The following PTPRT variants were observed in gnomAD, a reference collection of about 807,000 sequenced individuals.
The protein encoded by PTPRT is protein tyrosine phosphatase receptor type T.
A neutral mutation model predicts 176.8 loss-of-function variants in PTPRT; 56 were observed. The observed-to-expected ratio is 0.32, with a 90% CI of 0.26 to 0.40. The LOEUF is 0.40. PTPRT is among the 10% of genes least tolerant of loss of function. The pLI is 1.00. For missense variants in PTPRT, 1,540 were observed against 1,908.2 expected (o/e 0.81, Z 3.60); for synonymous variants, 783 against 739.0 (o/e 1.06, Z -0.96).
chr20:42,065,694 T>C, the PTPRT span, among the ~76,000 whole-genome samples: 1 of 152,238 alleles, frequency 6.6e-6, no homozygotes, highest in Non-Finnish European at 1.5e-5. Context: ...CATTATCAGT[T>C]CTGCTTATGC....
intron 16 of PTPRT, among the ~76,000 whole-genome samples, chr20:42,179,869 G>A (rs974659103): frequency 1.3e-5 from 2 of 152,196 alleles, no homozygotes; most frequent in Non-Finnish European, 1.5e-5. Flanking sequence ...GAAAGGCATG[G>A]AATAGCCAAG....
intron 2 of PTPRT, among the ~76,000 whole-genome samples, chr20:42,875,005 G>A (rs1256123435): frequency 2.0e-5 from 3 of 152,044 alleles, no homozygotes; most frequent in African/African-American, 4.8e-5. Context: ...ATTCTAACTC[G>A]TCAAATGCAG....
At chr20:43,032,216 C>T (rs1986166484) in intron 1 of PTPRT, among the ~76,000 whole-genome samples, 1 of 152,144 alleles carries the variant, frequency 6.6e-6, no homozygotes, top group African/African-American at 2.4e-5. Flanking sequence ...TGCATCAACA[C>T]AGAGTGAAAC....
chr20:42,330,818 G>T (rs1363620398), intron 11 of PTPRT, among the ~76,000 whole-genome samples: 7 of 152,104 alleles, frequency 4.6e-5, no homozygotes, highest in Non-Finnish European at 7.4e-5. Context: ...ATGCTGCAGG[G>T]GCCCTGCTCC....
At chr20:42,461,467 T>A (rs2071018703) in intron 8 of PTPRT, among the ~76,000 whole-genome samples, 2 of 151,738 alleles carry the variant, frequency 1.3e-5, no homozygotes. Context: ...AGCCCAGGAG[T>A]CAGAGGATAC....
intron 7 of PTPRT, among the ~76,000 whole-genome samples, chr20:42,672,601 T>C (rs1193296762): frequency 6.6e-6 from 1 of 152,164 alleles, no homozygotes; most frequent in Non-Finnish European, 1.5e-5. Flanking sequence ...TCGATTCCTA[T>C]CTGATCATCT....
At chr20:42,891,800 G>T (rs2079197339) in intron 1 of PTPRT, among the ~76,000 whole-genome samples, 1 of 152,188 alleles carries the variant, frequency 6.6e-6, no homozygotes, top group Non-Finnish European at 1.5e-5. Flanking sequence ...CTATGTAGGT[G>T]TATGTGTATA....
intron 15 of PTPRT, among the ~76,000 whole-genome samples, chr20:42,224,166 G>A (rs1158685463): frequency 6.6e-6 from 1 of 152,168 alleles, no homozygotes; most frequent in East Asian, 1.9e-4. Context: ...ATCAGCAGAA[G>A]CATTGAGTCC....
chr20:42,148,143 C>A (rs1395013853), intron 17 of PTPRT, among the ~76,000 whole-genome samples: 1 of 151,978 alleles, frequency 6.6e-6, no homozygotes, highest in African/African-American at 2.4e-5. Context: ...CATTATCAAT[C>A]TCCGCTTTCC....
intron 7 of PTPRT, among the ~76,000 whole-genome samples, chr20:42,643,813 C>T (rs1009854942): frequency 1.3e-5 from 2 of 151,998 alleles, no homozygotes; most frequent in Non-Finnish European, 2.9e-5. Flanking sequence ...TTGCAACCCT[C>T]CCCTTGCCTG....
At chr20:42,219,535 T>G (rs552690827) in intron 15 of PTPRT, among the ~76,000 whole-genome samples, 1 of 152,330 alleles carries the variant, frequency 6.6e-6, no homozygotes, top group East Asian at 1.9e-4. Context: ...TAGAGAGTTC[T>G]TCCTTAGACT....
At chr20:42,690,334 C>T (rs1453994686) in intron 6 of PTPRT, among the ~76,000 whole-genome samples, 3 of 152,090 alleles carry the variant, frequency 2.0e-5, no homozygotes, top group Non-Finnish European at 1.5e-5. Flanking sequence ...GGGAGAGAAA[C>T]AGACAGGGGG....
intron 1 of PTPRT, among the ~76,000 whole-genome samples, chr20:43,050,614 T>C (rs573233691): frequency 1.3e-5 from 2 of 152,212 alleles, no homozygotes; most frequent in East Asian, 1.9e-4. Context: ...TAAGCTCTGA[T>C]CCTGGGTCTA....
chr20:42,847,787 C>T (rs2145748502), intron 2 of PTPRT, among the ~76,000 whole-genome samples: 1 of 152,306 alleles, frequency 6.6e-6, no homozygotes, highest in Middle Eastern at 3.4e-3. Flanking sequence ...GCATCAATGA[C>T]AGGGCAAGAG....
intron 1 of PTPRT, among the ~76,000 whole-genome samples, chr20:43,154,754 C>T (rs530279886): frequency 1.3e-5 from 2 of 152,222 alleles, no homozygotes; most frequent in Non-Finnish European, 2.9e-5. Context: ...AATCAACAGA[C>T]TGAAGAGACA....
intron 13 of PTPRT, among the ~76,000 whole-genome samples, chr20:42,262,393 T>C (rs537542883): frequency 6.6e-6 from 1 of 152,176 alleles, no homozygotes; most frequent in South Asian, 2.1e-4. Context: ...CAGCCCAACC[T>C]CTTTTGGGCC....
intron 7 of PTPRT, among the ~76,000 whole-genome samples, chr20:42,551,615 T>C (rs577717533): frequency 9.2e-5 from 14 of 152,270 alleles, no homozygotes; most frequent in African/African-American, 3.4e-4. Flanking sequence ...ACATCTGTGA[T>C]AGAAAGAAGT....
rs145960057 is a variant in PTPRT at position 42,842,509 on chromosome 20, C to T, written c.214+43298G>A. Reference sequence around the variant, plus strand: ...ATCTCAGCTCACTGCAACCTCTGCCCCCCAGATTCAAGCAATTCTCCTGCC... The same window carrying T: ...ATCTCAGCTCACTGCAACCTCTGCCTCCCAGATTCAAGCAATTCTCCTGCC... On this transcript the variant is annotated intron_variant, in intron 2 of 30. Coordinates refer to ENST00000373187, the MANE Select transcript of PTPRT (RefSeq NM_007050.6). Among the ~76,000 whole-genome samples, 602 of 151,736 alleles carry T rather than the reference C, an allele frequency of 4.0e-3. 7 individuals are homozygous for T. Among genetic ancestry groups the T allele is most frequent in the African/African-American group, 0.014 (581 of 41,368 alleles).
At chr20:42,920,523 A>G (rs114602827) in intron 1 of PTPRT, among the ~76,000 whole-genome samples, 166 of 152,240 alleles carry the variant, frequency 1.1e-3, no homozygotes, top group African/African-American at 3.9e-3. Flanking sequence ...AAAATTCACT[A>G]TGCTGTAGCC....
Sources: gnomAD v4.1 joint callset for allele counts (sites outside exome capture counted in the v4.1 genomes callset) on GRCh38, gnomAD v4.1.1 for gene constraint, MANE v1.5 for transcripts, NCBI Gene and HGNC (gene_info 2026-07-23, HGNC 2026-07-21) for gene names.